CAMK2D: variants seen among roughly 807,000 people sequenced by gnomAD.
CAMK2D encodes calcium/calmodulin dependent protein kinase II delta, also known as calcium/calmodulin-dependent protein kinase type II subunit delta.
A neutral mutation model predicts 84.0 loss-of-function variants in CAMK2D; 37 were observed. The observed-to-expected ratio is 0.44, with a 90% CI of 0.34 to 0.58. The LOEUF is 0.58. Ranked by LOEUF, CAMK2D falls within the 20% of genes least tolerant of loss-of-function variation. The pLI is 0.02. For synonymous variants in CAMK2D, 202 were observed against 212.5 expected, an observed-to-expected ratio of 0.95 and a Z score of 0.43; for missense variants, 448 against 652.5, an observed-to-expected ratio of 0.69 and a Z score of 3.41.
chr4:113,537,301 A>C (rs1458189290), intron 7 of CAMK2D, 40 bp downstream of exon 7: 1 of 1,033,758 alleles, frequency 9.7e-7, no homozygotes, highest in Non-Finnish European at 1.5e-6. Flanking sequence ...TTCAGAAGCC[A>C]GAAGACTATA....
intron 2 of CAMK2D, among the ~76,000 whole-genome samples, chr4:113,758,649 T>C (rs1406598671): frequency 1.3e-5 from 2 of 152,222 alleles, no homozygotes; most frequent in Non-Finnish European, 2.9e-5. Context: ...AAGAATGCAG[T>C]GAGAGCCCTC....
intron 2 of CAMK2D, among the ~76,000 whole-genome samples, chr4:113,730,615 C>T (rs751629003): frequency 3.3e-5 from 5 of 152,214 alleles, no homozygotes; most frequent in African/African-American, 4.8e-5. Context: ...ATTTCATTCA[C>T]ATAGCCAAGC....
intron 2 of CAMK2D, among the ~76,000 whole-genome samples, chr4:113,722,144 T>C (rs112484396): frequency 1.3e-5 from 2 of 152,202 alleles, no homozygotes; most frequent in African/African-American, 4.8e-5. Flanking sequence ...AAAAAGTTTT[T>C]TGCTTTTCTT....
chr4:113,530,638 A>T (rs1485328696), intron 8 of CAMK2D, among the ~76,000 whole-genome samples: 1 of 152,212 alleles, frequency 6.6e-6, no homozygotes, highest in Non-Finnish European at 1.5e-5. Context: ...TAATGCTCTT[A>T]TAAAAGAGAC....
intron 16 of CAMK2D, among the ~76,000 whole-genome samples, chr4:113,490,121 T>A (rs1161585495): frequency 1.3e-5 from 2 of 148,730 alleles, no homozygotes; most frequent in Non-Finnish European, 3.0e-5. Flanking sequence ...TAGTTTCTTT[T>A]GCTGTGCAGA....
At chr4:113,672,462 A>G (rs764432832) in intron 2 of CAMK2D, among the ~76,000 whole-genome samples, 30 of 152,214 alleles carry the variant, frequency 2.0e-4, no homozygotes, top group Non-Finnish European at 3.8e-4. Flanking sequence ...TTAATATTTT[A>G]TTAAGCAAAC....
At position 113,547,861 on chromosome 4, in the gene CAMK2D, C is replaced by A. The variant is rs2098594979; in HGVS notation, c.342-145G>T. On this transcript the variant is annotated intron_variant, in intron 5 of 20. Transcript: ENST00000511664. ...CCTTCAGTCATGTAAACATATTGCT[C>A]AAGTAGAGTGACTACTACCTCAGAA... 3 of 471,574 alleles carry A rather than the reference C, an allele frequency of 6.4e-6. No homozygotes were observed. The South Asian group carries it at 1.2e-4, about 19-fold the overall frequency. 29.2% of individuals were successfully genotyped at this position (471,574 alleles called of 1,614,324 possible).
At chr4:113,715,021 T>C (rs187722504) in intron 2 of CAMK2D, among the ~76,000 whole-genome samples, 3 of 152,256 alleles carry the variant, frequency 2.0e-5, no homozygotes, top group South Asian at 4.1e-4. Flanking sequence ...CATACAGATA[T>C]AGCTTTCAAT....
intron 1 of CAMK2D, among the ~76,000 whole-genome samples, chr4:113,760,170 T>A (rs963566797): frequency 5.9e-5 from 9 of 152,196 alleles, no homozygotes; most frequent in African/African-American, 1.9e-4. Context: ...GCTTGGCCCC[T>A]AGGTCCCTTT....
intron 4 of CAMK2D, among the ~76,000 whole-genome samples, chr4:113,579,543 T>C (rs1286430852): frequency 6.6e-6 from 1 of 152,064 alleles, no homozygotes; most frequent in East Asian, 1.9e-4. Flanking sequence ...AAATAGCTGA[T>C]TGTTAAAAGA....
intron 3 of CAMK2D, among the ~76,000 whole-genome samples, chr4:113,630,014 G>A (rs1200354280): frequency 6.6e-6 from 1 of 151,838 alleles, no homozygotes. Flanking sequence ...CAGAGACCAG[G>A]GAATTCAGAC....
At chr4:113,668,797 CTAT>C (rs1358951420) in intron 2 of CAMK2D, among the ~76,000 whole-genome samples, 4 of 152,148 alleles carry the variant, frequency 2.6e-5, no homozygotes. Context: ...ATAGAAAAAA[CTAT>C]TATTTGTCTG....
intron 12 of CAMK2D, 94 bp downstream of exon 12, chr4:113,513,234 A>AATT: frequency 6.4e-7 from 1 of 1,573,112 alleles, no homozygotes; most frequent in Non-Finnish European, 8.6e-7. Context: ...AAGTTTTTCT[A>AATT]ATTATTAGAT....
At chr4:113,621,206 T>C (rs2099044779) in intron 3 of CAMK2D, among the ~76,000 whole-genome samples, 2 of 151,912 alleles carry the variant, frequency 1.3e-5, no homozygotes, top group Non-Finnish European at 2.9e-5. Flanking sequence ...CAATCAATAG[T>C]TACTCTGATT....
intron 6 of CAMK2D, among the ~76,000 whole-genome samples, chr4:113,544,885 C>T (rs747326719): frequency 9.9e-5 from 15 of 152,078 alleles, no homozygotes; most frequent in Non-Finnish European, 2.1e-4. Context: ...ATGCTGATAT[C>T]CCACCACCCT....
chr4:113,745,378 C>T (rs544823994), intron 2 of CAMK2D, among the ~76,000 whole-genome samples: 13 of 152,260 alleles, frequency 8.5e-5, no homozygotes, highest in Admixed American at 7.8e-4. Flanking sequence ...TAAATGTCAT[C>T]ACTAGGCTAC....
intron 2 of CAMK2D, among the ~76,000 whole-genome samples, chr4:113,666,402 A>G (rs1203934296): frequency 6.6e-6 from 1 of 152,168 alleles, no homozygotes; most frequent in Admixed American, 6.5e-5. Context: ...CCTCATTATT[A>G]GCATTAATTA....
In CAMK2D at chr4:113,747,319, T is replaced by TTAA. The variant is rs1554093408; in HGVS notation, c.160+12000_160+12001insTTA. 2.1e-3 allele frequency among the ~76,000 whole-genome samples: 310 copies of TTAA among 147,334 alleles called. 2 individuals carry two copies. The highest frequency in any genetic ancestry group is 1.8e-3 in the Non-Finnish European group (117 of 66,522). ...AGAATTTTGAACTTTTTTTTTTTTT[T>TTAA]AAATTCAATAGGAAAAGCGTATGCA... On this transcript the variant is annotated intron_variant, in intron 2 of 20. Coordinates refer to ENST00000511664, the MANE Select transcript of CAMK2D (RefSeq NM_001321571.2).
chr4:113,465,433 T>C, intron 17 of CAMK2D, 96 bp downstream of exon 17: 1 of 753,540 alleles, frequency 1.3e-6, no homozygotes, highest in Non-Finnish European at 2.3e-6. Flanking sequence ...AAACCTTGAA[T>C]TAAATATATG....
Sources: gnomAD v4.1 joint callset for allele counts (sites outside exome capture counted in the v4.1 genomes callset) on GRCh38, gnomAD v4.1.1 for gene constraint, MANE v1.5 for transcripts, NCBI Gene and HGNC (gene_info 2026-07-23, HGNC 2026-07-21) for gene names.